The following MAP2 variants were observed in gnomAD, a reference collection of about 807,000 sequenced individuals.
MAP2 encodes the protein microtubule associated protein 2, also known as microtubule-associated protein 2.
A neutral mutation model predicts 137.6 loss-of-function variants in MAP2; 14 were observed. The observed-to-expected ratio is 0.10, with a 90% CI of 0.07 to 0.16. MAP2 has a LOEUF of 0.16. Among genes scored for constraint, MAP2 ranks in the 10% least tolerant of loss-of-function variants. MAP2 has a pLI of 1.00. For missense variants in MAP2, 2,088 were observed against 2,191.5 expected, an observed-to-expected ratio of 0.95 and a Z score of 0.94; for synonymous variants, 786 against 782.3, an observed-to-expected ratio of 1.00 and a Z score of -0.08.
chr2:209,531,445 TA>T (rs2065094299), intron 2 of MAP2, among the ~76,000 whole-genome samples: 1 of 152,184 alleles, frequency 6.6e-6, no homozygotes, highest in African/African-American at 2.4e-5. Context: ...GTAGAGAAAA[TA>T]CAAACACTTT....
chr2:209,666,264 G>T (rs1369482217), intron 5 of MAP2, among the ~76,000 whole-genome samples: 1 of 150,006 alleles, frequency 6.7e-6, no homozygotes, highest in Non-Finnish European at 1.5e-5. Flanking sequence ...CACAACGCAT[G>T]TAAGATATTT....
chr2:209,621,442 A>G (rs2091166207), intron 3 of MAP2, among the ~76,000 whole-genome samples: 1 of 151,432 alleles, frequency 6.6e-6, no homozygotes. Context: ...TATTTTTAAT[A>G]GAGAGGGGGT....
Position 209,693,585 on chromosome 2 carries a change from T to G in MAP2, c.1415T>G (p.Ile472Arg). 6.2e-7 allele frequency: 1 copy of G among 1,613,706 alleles called. No individual in the cohort carries two copies. The highest frequency in any genetic ancestry group is 1.3e-5 in the African/African-American group (1 of 74,994). Residue 472 changes from isoleucine (I) to arginine (R), a missense_variant, in exon 8 of 16, where the codon ATA becomes AGA. This residue lies in a region of MAP2 where 859 missense variants were observed against 794.5 expected (regional missense o/e 1.08). Transcript: ENST00000682079. ...PPKPADEEIG[I>R]IQTSTEHTFS... ...AAACCTGCAGATGAAGAAATAGGCA[T>G]AATTCAGACCTCCACAGAGCACACT...
rs1581563335 is a variant in MAP2, at chr2:209,636,615, TA to T, written c.-30+11487del. ...CACTTATAAGCAACAGAATTGAAAA[TA>T]TAACAGCGTAATACATTGCATATGC... On this transcript the variant is annotated intron_variant, in intron 4 of 15. Coordinates refer to ENST00000682079, the MANE Select transcript of MAP2 (RefSeq NM_001375505.1). Among the ~76,000 whole-genome samples, 5 of 151,694 alleles carry T rather than the reference TA, an allele frequency of 3.3e-5. No homozygotes were observed. In the East Asian group the frequency reaches 9.7e-4, roughly 29 times the overall value.
chr2:209,690,873 GTGT>G, intron 7 of MAP2: 2 of 1,251,578 alleles, frequency 1.6e-6, no homozygotes, highest in Non-Finnish European at 2.1e-6. Flanking sequence ...GGATTTGCAT[GTGT>G]TTTGTTGCAA....
At chr2:209,595,006 A>AT in intron 3 of MAP2, among the ~76,000 whole-genome samples, 1 of 152,306 alleles carries the variant, frequency 6.6e-6, no homozygotes, top group East Asian at 1.9e-4. Flanking sequence ...TTACAAGGTG[A>AT]TCCCAAGGAG....
At chr2:209,479,691 A>T (rs1023117502) in intron 1 of MAP2, among the ~76,000 whole-genome samples, 1 of 152,180 alleles carries the variant, frequency 6.6e-6, no homozygotes, top group African/African-American at 2.4e-5. Context: ...CTGGCTTGAG[A>T]TAGAAAATAG....
intron 1 of MAP2, among the ~76,000 whole-genome samples, chr2:209,467,158 C>G (rs1325264164): frequency 6.6e-6 from 1 of 152,188 alleles, no homozygotes; most frequent in Non-Finnish European, 1.5e-5. Flanking sequence ...TGTGTCACTT[C>G]TTACCTTTGC....
At chr2:209,467,495 AG>A (rs2149670996) in intron 1 of MAP2, among the ~76,000 whole-genome samples, 1 of 152,256 alleles carries the variant, frequency 6.6e-6, no homozygotes, top group South Asian at 2.1e-4. Context: ...ATCTCTGACC[AG>A]CCTGGAATGA....
intron 1 of MAP2, among the ~76,000 whole-genome samples, chr2:209,499,532 C>G (rs897732895): frequency 6.6e-6 from 1 of 152,132 alleles, no homozygotes; most frequent in Non-Finnish European, 1.5e-5. Flanking sequence ...AGCAACACCC[C>G]ACTCTTCAGT....
chr2:209,449,498 G>A (rs1292578558), intron 1 of MAP2, among the ~76,000 whole-genome samples: 3 of 151,970 alleles, frequency 2.0e-5, no homozygotes, highest in Non-Finnish European at 4.4e-5. Context: ...TGAACATACT[G>A]TCTAAAATGC....
chr2:209,615,552 A>G (rs912146798), intron 3 of MAP2, among the ~76,000 whole-genome samples: 15 of 152,202 alleles, frequency 9.9e-5, no homozygotes, highest in African/African-American at 3.6e-4. Flanking sequence ...CACAATTGTC[A>G]AAGCATTTTT....
At chr2:209,723,183 C>T (rs149375866) in intron 13 of MAP2, among the ~76,000 whole-genome samples, 5 of 152,220 alleles carry the variant, frequency 3.3e-5, no homozygotes, top group East Asian at 1.9e-4. Flanking sequence ...TCTGATGGGG[C>T]GAGGGAATGG....
intron 2 of MAP2, among the ~76,000 whole-genome samples, chr2:209,518,003 A>G (rs2062760732): frequency 6.6e-6 from 1 of 152,092 alleles, no homozygotes. Flanking sequence ...CCAGGGAAAG[A>G]GAATTTGTAC....
At chr2:209,499,851 C>A (rs1207980512) in intron 1 of MAP2, among the ~76,000 whole-genome samples, 1 of 152,162 alleles carries the variant, frequency 6.6e-6, no homozygotes, top group Non-Finnish European at 1.5e-5. Context: ...TGAGAACTCA[C>A]TATCATGAAG....
chr2:209,582,382 G>A (rs1026591267), intron 3 of MAP2, among the ~76,000 whole-genome samples: 10 of 152,094 alleles, frequency 6.6e-5, no homozygotes, highest in South Asian at 6.2e-4. Context: ...AGATTAAAAC[G>A]GAAAGAATTC....
At chr2:209,556,836 G>T (rs1192702013) in intron 2 of MAP2, among the ~76,000 whole-genome samples, 2 of 151,936 alleles carry the variant, frequency 1.3e-5, no homozygotes, top group Non-Finnish European at 2.9e-5. Flanking sequence ...ATAAAATTAT[G>T]TCTTTACTGC....
chr2:209,720,713 AATT>A lies in MAP2; in HGVS notation c.5074-4989_5074-4987del, dbSNP rs2070309200. Reference sequence around the variant, plus strand: ...ATGTGATTTAGAGAAAATTTTGCGCAATTATTATTCAGATTTTTTCCTTCATAT... The same window carrying A: ...ATGTGATTTAGAGAAAATTTTGCGCAATTATTCAGATTTTTTCCTTCATAT... On this transcript the variant is annotated intron_variant, in intron 13 of 15. Transcript: ENST00000682079. Among the ~76,000 whole-genome samples, 4 of 150,724 alleles carry A rather than the reference AATT, an allele frequency of 2.7e-5. No individual in the cohort carries two copies. The South Asian group carries it at 6.2e-4, about 23-fold the overall frequency.
chr2:209,583,642 G>A (rs2077027418), intron 3 of MAP2, among the ~76,000 whole-genome samples: 1 of 151,960 alleles, frequency 6.6e-6, no homozygotes, highest in African/African-American at 2.4e-5. Flanking sequence ...ACACAAATAT[G>A]TATTAAGATT....
Sources: gnomAD v4.1 joint callset for allele counts (sites outside exome capture counted in the v4.1 genomes callset) on GRCh38, gnomAD v4.1.1 for gene constraint, gnomAD v4.1.1 regional missense constraint, MANE v1.5 for transcripts, NCBI Gene and HGNC (gene_info 2026-07-23, HGNC 2026-07-21) for gene names.